The following MACO1 variants were observed in gnomAD, a reference collection of about 807,000 sequenced individuals.
MACO1 encodes macoilin 1.
MACO1 carries 14 observed loss-of-function variants against 78.7 expected under a neutral mutation model. The ratio of observed to expected loss-of-function variants is 0.18; its 90% CI spans 0.12 to 0.28. The LOEUF (loss-of-function observed/expected upper bound fraction) is 0.28, where lower values mean the gene tolerates loss of function less well. Among genes scored for constraint, MACO1 ranks in the 10% least tolerant of loss-of-function variants. The pLI, the probability that MACO1 is intolerant of heterozygous loss-of-function variation, is 1.00. For synonymous variants in MACO1, 288 were observed against 291.6 expected, an observed-to-expected ratio of 0.99 and a Z score of 0.12; for missense variants, 501 against 799.0, an observed-to-expected ratio of 0.63 and a Z score of 4.50.
intron 1 of MACO1, among the ~76,000 whole-genome samples, chr1:25,446,537 G>A (rs533180075): frequency 4.6e-5 from 7 of 152,184 alleles, no homozygotes; most frequent in East Asian, 1.9e-4. Context: ...AGAATTAAGC[G>A]TTTTTGGTAT....
chr1:25,495,173 CA>C (rs2043524185), intron 10 of MACO1, among the ~76,000 whole-genome samples: 1 of 152,132 alleles, frequency 6.6e-6, no homozygotes, highest in South Asian at 2.1e-4. Flanking sequence ...CTTGGTTTTG[CA>C]AACTTGGAAA....
intron 10 of MACO1, among the ~76,000 whole-genome samples, chr1:25,493,877 G>A (rs528555220): frequency 3.3e-5 from 5 of 151,816 alleles, no homozygotes; most frequent in Admixed American, 6.6e-5. Flanking sequence ...GGACTACGGC[G>A]CCCGCCACCA....
chr1:25,467,180 C>T (rs1357820561), intron 6 of MACO1, among the ~76,000 whole-genome samples: 2 of 152,112 alleles, frequency 1.3e-5, no homozygotes, highest in Non-Finnish European at 2.9e-5. Flanking sequence ...ATCGCTTGAA[C>T]CCAAGCAGCA....
rs545389738 is a variant in MACO1 at position 25,463,123 on chromosome 1, T to C, written c.1154+4231T>C. On this transcript the variant is annotated intron_variant, in intron 6 of 10. Transcript: ENST00000374343. Reference sequence around the variant, plus strand: ...TTGTTTTGACGATCTTTCCCCCTTATTAGATTGTGAGTTCCAGGGGGCAGA... The same window carrying C: ...TTGTTTTGACGATCTTTCCCCCTTACTAGATTGTGAGTTCCAGGGGGCAGA... 3.9e-5 allele frequency among the ~76,000 whole-genome samples: 6 copies of C among 152,312 alleles called. No individual in the cohort carries two copies. The East Asian group carries it at 1.2e-3, about 29-fold the overall frequency.
At chr1:25,486,176 T>C (rs1347241108) in intron 8 of MACO1, among the ~76,000 whole-genome samples, 2 of 152,162 alleles carry the variant, frequency 1.3e-5, no homozygotes, top group Admixed American at 6.5e-5. Context: ...CACTCTTAGG[T>C]ATATGTGTTT....
intron 10 of MACO1, among the ~76,000 whole-genome samples, chr1:25,493,077 T>C (rs2043501147): frequency 6.6e-6 from 1 of 152,132 alleles, no homozygotes; most frequent in South Asian, 2.1e-4. Flanking sequence ...GTGCAAAGCA[T>C]TGTCCTAGAA....
At chr1:25,492,205 C>T (rs2043491993) in intron 10 of MACO1, among the ~76,000 whole-genome samples, 1 of 152,078 alleles carries the variant, frequency 6.6e-6, no homozygotes, top group Non-Finnish European at 1.5e-5. Context: ...TCTACTTGGC[C>T]GATATTTACT....
chr1:25,471,205 G>T (rs2043266834), intron 6 of MACO1, among the ~76,000 whole-genome samples: 1 of 151,912 alleles, frequency 6.6e-6, no homozygotes, highest in Non-Finnish European at 1.5e-5. Context: ...TGAGTGCAGT[G>T]GCGGGTGCCT....
At chr1:25,449,929 G>C (rs2043050106) in intron 3 of MACO1, among the ~76,000 whole-genome samples, 1 of 152,214 alleles carries the variant, frequency 6.6e-6, no homozygotes, top group South Asian at 2.1e-4. Context: ...CAAGGCAAGA[G>C]AATCGCTTGA....
intron 8 of MACO1, among the ~76,000 whole-genome samples, chr1:25,488,217 A>AT (rs1220369817): frequency 6.6e-6 from 1 of 151,976 alleles, no homozygotes. Flanking sequence ...ATGCCCAGCT[A>AT]TTTTTTAAAT....
chr1:25,495,180 G>T (rs35243054), intron 10 of MACO1, among the ~76,000 whole-genome samples: 64,677 of 151,954 alleles, frequency 0.43, 14,823 homozygotes, highest in East Asian at 0.73. Context: ...TTGCAAACTT[G>T]GAAAAGATTC....
chr1:25,480,792 G>A (rs930538579), intron 6 of MACO1, among the ~76,000 whole-genome samples: 13 of 151,146 alleles, frequency 8.6e-5, no homozygotes, highest in Admixed American at 7.2e-4. Context: ...TTAGCTGGGC[G>A]TGGTGGTGGG....
At chr1:25,487,240 G>C (rs2043441527) in intron 8 of MACO1, among the ~76,000 whole-genome samples, 1 of 152,026 alleles carries the variant, frequency 6.6e-6, no homozygotes, top group African/African-American at 2.4e-5. Context: ...TGCAGCCTTT[G>C]CCACCCAGGT....
chr1:25,496,531 A>G (rs1307001042), intron 10 of MACO1, among the ~76,000 whole-genome samples: 3 of 152,182 alleles, frequency 2.0e-5, no homozygotes, highest in African/African-American at 7.2e-5. Context: ...TGGTCTCCCT[A>G]GAAGACCAGG....
chr1:25,468,411 C>G (rs2043237669), intron 6 of MACO1, among the ~76,000 whole-genome samples: 1 of 152,146 alleles, frequency 6.6e-6, no homozygotes, highest in Non-Finnish European at 1.5e-5. Flanking sequence ...ATCAACTTAC[C>G]CTGCAGAGAG....
At chr1:25,443,931 C>G (rs746605674) in intron 1 of MACO1, among the ~76,000 whole-genome samples, 3 of 146,376 alleles carry the variant, frequency 2.0e-5, no homozygotes. Context: ...TAATATATTT[C>G]CATGCCCTTT....
At chr1:25,438,586 T>G (rs2042940278) in intron 1 of MACO1, among the ~76,000 whole-genome samples, 1 of 152,228 alleles carries the variant, frequency 6.6e-6, no homozygotes, top group Admixed American at 6.5e-5. Context: ...GCTGCTAAAA[T>G]GGATAAGGGA....
intron 6 of MACO1, among the ~76,000 whole-genome samples, chr1:25,459,743 C>T (rs1307153237): frequency 6.6e-6 from 1 of 152,104 alleles, no homozygotes; most frequent in Non-Finnish European, 1.5e-5. Context: ...TCCCAAAGTC[C>T]TGGGATTACA....
intron 1 of MACO1, among the ~76,000 whole-genome samples, chr1:25,436,804 C>T (rs2042922713): frequency 6.6e-6 from 1 of 152,182 alleles, no homozygotes; most frequent in Admixed American, 6.5e-5. Context: ...CTTGTCTTCC[C>T]TGGCCTTTGA....
Sources: allele counts gnomAD v4.1 joint callset (sites outside exome capture counted in the v4.1 genomes callset), GRCh38; gene constraint gnomAD v4.1.1; transcripts MANE v1.5; gene names NCBI Gene and HGNC (gene_info 2026-07-23, HGNC 2026-07-21).